Variants in NIN observed in about 807,000 individuals in gnomAD.
NIN encodes the protein ninein, also known as glycogen synthase kinase 3 beta-interacting protein.
In NIN, 137 loss-of-function variants were observed where a neutral mutation model predicts 257.6. That is an observed-to-expected ratio of 0.53 (90% CI 0.46 to 0.61). The LOEUF is 0.61. NIN is among the 20% of genes least tolerant of loss of function. The pLI is 0.00. For missense variants in NIN, 2,439 were observed against 2,501.2 expected (o/e 0.98, Z 0.53); for synonymous variants, 918 against 919.8 (o/e 1.00, Z 0.04).
chr14:50,787,951 AGT>A (rs2043415053), intron 5 of NIN, among the ~76,000 whole-genome samples: 1 of 152,180 alleles, frequency 6.6e-6, no homozygotes, highest in South Asian at 2.1e-4. Context: ...AAAGAATCAA[AGT>A]GTCTGATAGA....
At chr14:50,805,354 G>A (rs1354754312) in intron 4 of NIN, among the ~76,000 whole-genome samples, 2 of 152,142 alleles carry the variant, frequency 1.3e-5, no homozygotes, top group African/African-American at 2.4e-5. Context: ...CTGTGGAAAC[G>A]CTAATGTTTG....
chr14:50,812,185 G>GT (rs2044662094), intron 3 of NIN, among the ~76,000 whole-genome samples: 1 of 152,146 alleles, frequency 6.6e-6, no homozygotes, highest in South Asian at 2.1e-4. Context: ...CGATATTATC[G>GT]TAGGTTCATT....
chr14:50,735,662 C>A, intron 27 of NIN, 45 bp from the exon 28 acceptor site: 1 of 1,567,968 alleles, frequency 6.4e-7, no homozygotes, highest in Non-Finnish European at 8.6e-7. Context: ...GAAACAAAAA[C>A]ACTTGAGTTG....
chr14:50,772,598 C>T lies in NIN; in HGVS notation c.814-130G>A, dbSNP rs75522847. 3,382 of 780,638 alleles carry T rather than the reference C, an allele frequency of 4.3e-3. 86 individuals carry two copies. In the African/African-American group the frequency reaches 0.051, roughly 12 times the overall value. The allele number at this position is 780,638 out of a possible 1,614,324, so 48.4% of individuals were successfully genotyped here. ...ATACAGTGCCAGGAAAAAAGTCATG[C>T]AGCCTCTCTGATCTCTGTTCCCAAC... On this transcript the variant is annotated intron_variant, in intron 8 of 30. Transcript: ENST00000530997.
At position 50,760,286 on chromosome 14, in the gene NIN, C is replaced by T. The variant is rs759491389; in HGVS notation, c.1970G>A (p.Arg657Lys). 1.9e-6 allele frequency: 3 copies of T among 1,609,280 alleles called. No individual in the cohort carries two copies. Among genetic ancestry groups the T allele is most frequent in the Non-Finnish European group, 1.7e-6 (2 of 1,179,950 alleles). ...TAAGGTGTGCGTTTCGTTCTCATGC[C>T]TTTGCTTCATGTTCTCCTGTGCCTT... ...CKKAQENMKQ[R>K]HENETHTLEK... The change falls in exon 17 of 31, where the codon AGG becomes AAG. Residue 657 changes from arginine (R) to lysine (K), a missense_variant. Physicochemically the swap from Arg to Lys is conservative, Grantham distance 26. This residue lies in a region of NIN where 2,043 missense variants were observed against 2,050.2 expected (regional missense o/e 1.00). Coordinates refer to ENST00000530997, the MANE Select transcript of NIN (RefSeq NM_020921.4).
intron 2 of NIN, among the ~76,000 whole-genome samples, chr14:50,822,509 G>A (rs752151178): frequency 1.3e-5 from 2 of 152,168 alleles, no homozygotes; most frequent in Non-Finnish European, 2.9e-5. Context: ...AATTGTTAGC[G>A]CCAGCAGACT....
chr14:50,729,758 T>C, intron 28 of NIN, 35 bp from the exon 29 acceptor site: 1 of 1,495,478 alleles, frequency 6.7e-7, no homozygotes, highest in Non-Finnish European at 9.0e-7. Flanking sequence ...TTCAGCTGAG[T>C]CCCTTCAATC....
chr14:50,805,336 G>A (rs372462221), intron 4 of NIN, among the ~76,000 whole-genome samples: 1 of 152,172 alleles, frequency 6.6e-6, no homozygotes, highest in African/African-American at 2.4e-5. Flanking sequence ...TATTCTAGCA[G>A]CGGTCACCTG....
At chr14:50,735,290 G>C (rs1428830317) in intron 28 of NIN, among the ~76,000 whole-genome samples, 1 of 152,142 alleles carries the variant, frequency 6.6e-6, no homozygotes, top group African/African-American at 2.4e-5. Flanking sequence ...TTGCATTTTA[G>C]GTCATCATTA....
chr14:50,723,660 T>G lies in NIN; in HGVS notation c.6205A>C (p.Thr2069Pro), dbSNP rs776670878. 1 of 1,613,840 alleles carries G rather than the reference T, an allele frequency of 6.2e-7. No individual in the cohort carries two copies. Among genetic ancestry groups the G allele is most frequent in the Non-Finnish European group, 8.5e-7 (1 of 1,179,740 alleles). Residue 2069 changes from threonine to proline, a missense_variant, in exon 31 of 31, where the codon ACT becomes CCT. Physicochemically the swap from Thr to Pro is conservative, Grantham distance 38. Around this residue, in one of 3 missense-constraint regions of NIN, gnomAD observed 2,043 missense variants for 2,050.2 expected, o/e 1.00. Coordinates refer to ENST00000530997, the MANE Select transcript of NIN (RefSeq NM_020921.4). ...NQLKEQLCKNTKADAMVKDLY... is the reference protein window; with the variant it reads ...NQLKEQLCKNPKADAMVKDLY... ...TCCTTCACCATTGCGTCTGCCTTAG[T>G]GTTCTTGCAGAGCTAGAAACAGAAC...
At chr14:50,797,876 G>A (rs909661204) in intron 4 of NIN, among the ~76,000 whole-genome samples, 1 of 151,966 alleles carries the variant, frequency 6.6e-6, no homozygotes, top group African/African-American at 2.4e-5. Flanking sequence ...TGGGGAAGGG[G>A]AGCAAGAGAT....
At position 50,736,877 on chromosome 14, in the gene NIN, T is replaced by C. The variant is rs192695073; in HGVS notation, c.5776-1260A>G. ...CATATTTTTTATAAAGAGGTAATAG[T>C]GAAAACTGAGTTTCAGTTTAGAAAA... On this transcript the variant is annotated intron_variant, in intron 27 of 30. Transcript: ENST00000530997. 1.7e-4 allele frequency among the ~76,000 whole-genome samples: 26 copies of C among 152,302 alleles called. No individual in the cohort carries two copies. In the East Asian group the frequency reaches 4.8e-3, roughly 28 times the overall value.
chr14:50,816,351 C>G (rs563317762), intron 3 of NIN, among the ~76,000 whole-genome samples: 2 of 152,178 alleles, frequency 1.3e-5, no homozygotes, highest in East Asian at 1.9e-4. Context: ...CACATGTACC[C>G]CAGAGTTTAA....
chr14:50,812,061 A>G (rs1237878410), intron 3 of NIN, among the ~76,000 whole-genome samples: 1 of 152,160 alleles, frequency 6.6e-6, no homozygotes, highest in African/African-American at 2.4e-5. Flanking sequence ...TGGAGATTGC[A>G]GTGAGTTGAG....
At chr14:50,737,428 G>A (rs1370562855) in intron 27 of NIN, among the ~76,000 whole-genome samples, 1 of 136,786 alleles carries the variant, frequency 7.3e-6, no homozygotes, top group Non-Finnish European at 1.5e-5. Context: ...GGACCACCCA[G>A]CTAAGCTGCT....
At chr14:50,799,847 T>C (rs553923674) in intron 4 of NIN, among the ~76,000 whole-genome samples, 60 of 152,178 alleles carry the variant, frequency 3.9e-4, no homozygotes, top group African/African-American at 1.4e-3. Context: ...TGGTGGTGCA[T>C]GCCTGTAATC....
Position 50,756,988 on chromosome 14 carries a change from A to C in NIN, c.4042T>G (p.Trp1348Gly). 6.2e-7 allele frequency: 1 copy of C among 1,613,462 alleles called. No individual in the cohort carries two copies. Among genetic ancestry groups the C allele is most frequent in the Non-Finnish European group, 8.5e-7 (1 of 1,179,680 alleles). Residue 1348 changes from tryptophan (W) to glycine (G), a missense_variant, in exon 18 of 31, where the codon TGG (tryptophan) becomes GGG (glycine). Physicochemically the swap from Trp to Gly is radical, Grantham distance 184. This residue lies in a region of NIN where 2,043 missense variants were observed against 2,050.2 expected (regional missense o/e 1.00). Coordinates refer to ENST00000530997, the MANE Select transcript of NIN (RefSeq NM_020921.4). The stretch of plus-strand genomic sequence containing the variant: ...TCCAGGTTCTCTAAACTGGCTTCCC[A>C]TAAGCAGCAGTCACACCGCTGGACC... ...SVVQRCDCCLWEASLENLEIE... is the reference protein window; with the variant it reads ...SVVQRCDCCLGEASLENLEIE...
At chr14:50,738,959 G>A (rs561735582) in intron 26 of NIN, among the ~76,000 whole-genome samples, 1 of 152,054 alleles carries the variant, frequency 6.6e-6, no homozygotes, top group African/African-American at 2.4e-5. Flanking sequence ...GAGTTATTTA[G>A]ACCTGCAAGA....
chr14:50,757,554 C>T lies in NIN; in HGVS notation c.3476G>A (p.Gly1159Glu), dbSNP rs774077578. 3 of 1,613,996 alleles carry T rather than the reference C, an allele frequency of 1.9e-6. No individual in the cohort carries two copies. The highest frequency in any genetic ancestry group is 1.1e-5 in the South Asian group (1 of 91,082). ...TTCCTGTCTCTGAACAGAGCTCGTC[C>T]CTGTACTTCCCAGGTCCCGGACCTC... ...DDEVRDLGST[G>E]TSSVQRQEVK... Residue 1159 changes from glycine (G) to glutamate (E), a missense_variant, in exon 18 of 31, where the codon GGG becomes GAG. By Grantham distance (98) the Gly-to-Glu change is moderately conservative (BLOSUM62 -2). This residue lies in a region of NIN where 2,043 missense variants were observed against 2,050.2 expected (regional missense o/e 1.00). Transcript: ENST00000530997.
Sources: gnomAD v4.1 joint callset for allele counts (sites outside exome capture counted in the v4.1 genomes callset) on GRCh38, gnomAD v4.1.1 for gene constraint, gnomAD v4.1.1 regional missense constraint, MANE v1.5 for transcripts, NCBI Gene and HGNC (gene_info 2026-07-23, HGNC 2026-07-21) for gene names.